ACBD6: variants seen among roughly 807,000 people sequenced by gnomAD.
The protein encoded by ACBD6 is acyl-CoA binding domain containing 6.
A neutral mutation model predicts 37.2 loss-of-function variants in ACBD6; 28 were observed. That is an observed-to-expected ratio of 0.75 (90% CI 0.56 to 1.03). ACBD6 has a LOEUF of 1.03. Among genes scored for constraint, ACBD6 ranks in the 50% least tolerant of loss-of-function variants. The probability of loss-of-function intolerance (pLI) is 0.00; values close to 1 mark genes in which losing one functional copy is unlikely to be tolerated. For synonymous variants in ACBD6, 113 were observed against 126.8 expected (o/e 0.89, Z 0.73); for missense variants, 340 against 337.4 (o/e 1.01, Z -0.06).
chr1:180,328,030 G>T (rs1651323436), intron 6 of ACBD6, among the ~76,000 whole-genome samples: 1 of 152,138 alleles, frequency 6.6e-6, no homozygotes, highest in African/African-American at 2.4e-5. Flanking sequence ...CAAATGAGGT[G>T]TTGACGAAAA....
At chr1:180,411,834 A>AT (rs1310319829) in intron 5 of ACBD6, among the ~76,000 whole-genome samples, 4 of 150,782 alleles carry the variant, frequency 2.7e-5, no homozygotes, top group Non-Finnish European at 4.4e-5. Flanking sequence ...CGCCTGGCTA[A>AT]TTTTTTTTTG....
rs2254465 is a variant in ACBD6 at position 180,288,557 on chromosome 1, A to T, written c.695-40T>A. The stretch of plus-strand genomic sequence containing the variant: ...GACAAATATGAAAACAAGTTTACCA[A>T]GAGACAGAGAAACTCCTCTACTTCA... On this transcript the variant is annotated intron_variant, in intron 7 of 7. Coordinates refer to ENST00000367595, the MANE Select transcript of ACBD6 (RefSeq NM_032360.4). 82 of 1,590,264 alleles carry T rather than the reference A, an allele frequency of 5.2e-5. No homozygotes were observed. The Admixed American group carries it at 6.0e-4, about 12-fold the overall frequency.
intron 3 of ACBD6, among the ~76,000 whole-genome samples, chr1:180,474,689 C>T (rs1423962995): frequency 2.6e-5 from 4 of 152,144 alleles, no homozygotes; most frequent in African/African-American, 9.7e-5. Context: ...TACCTAAAAA[C>T]TTTTTAGCTA....
chr1:180,350,566 T>C (rs1652370109), intron 6 of ACBD6, among the ~76,000 whole-genome samples: 1 of 152,100 alleles, frequency 6.6e-6, no homozygotes, highest in Non-Finnish European at 1.5e-5. Context: ...AAAAATTCCT[T>C]ATAGTCCTCA....
intron 6 of ACBD6, among the ~76,000 whole-genome samples, chr1:180,376,761 A>G (rs1421134125): frequency 6.6e-6 from 1 of 152,176 alleles, no homozygotes; most frequent in Non-Finnish European, 1.5e-5. Context: ...GGAACGGGGG[A>G]AAAATAACAA....
At chr1:180,369,080 G>A (rs1466940725) in intron 6 of ACBD6, among the ~76,000 whole-genome samples, 2 of 152,168 alleles carry the variant, frequency 1.3e-5, no homozygotes, top group Non-Finnish European at 2.9e-5. Flanking sequence ...ATGTTCAAAG[G>A]AAGAAAACCT....
At chr1:180,437,604 TA>T (rs983879264) in intron 3 of ACBD6, among the ~76,000 whole-genome samples, 1 of 152,028 alleles carries the variant, frequency 6.6e-6, no homozygotes, top group African/African-American at 2.4e-5. Context: ...ATTTTATATG[TA>T]AAAAAATCCT....
At chr1:180,285,380 G>A (rs1176575805), downstream of ACBD6, among the ~76,000 whole-genome samples, 1 of 152,104 alleles carries the variant, frequency 6.6e-6, no homozygotes, top group East Asian at 1.9e-4. Flanking sequence ...GTGCATCTCA[G>A]AACTGATCAA....
intron 3 of ACBD6, among the ~76,000 whole-genome samples, chr1:180,449,906 TA>T (rs113535374): frequency 0.053 from 6,846 of 129,120 alleles, 504 homozygotes; most frequent in African/African-American, 0.17. Flanking sequence ...GAACTTAAAT[TA>T]AAAAAAAAAA....
At chr1:180,480,181 T>C (rs1279992254) in intron 3 of ACBD6, among the ~76,000 whole-genome samples, 1 of 152,126 alleles carries the variant, frequency 6.6e-6, no homozygotes, top group Non-Finnish European at 1.5e-5. Flanking sequence ...GGGATAAACA[T>C]GGTCAGATAT....
chr1:180,408,741 T>A (rs1009278629), intron 5 of ACBD6, among the ~76,000 whole-genome samples: 1 of 151,610 alleles, frequency 6.6e-6, no homozygotes, highest in African/African-American at 2.4e-5. Flanking sequence ...GGAAGATGAG[T>A]AAAACAGTTA....
intron 3 of ACBD6, among the ~76,000 whole-genome samples, chr1:180,443,281 C>A (rs866248968): frequency 6.6e-6 from 1 of 152,190 alleles, no homozygotes; most frequent in Non-Finnish European, 1.5e-5. Flanking sequence ...CCACATATTA[C>A]ATTTTCATTC....
At chr1:180,361,035 T>G (rs866748379) in intron 6 of ACBD6, among the ~76,000 whole-genome samples, 1 of 152,288 alleles carries the variant, frequency 6.6e-6, no homozygotes, top group Middle Eastern at 3.4e-3. Flanking sequence ...AAGAGTGTCT[T>G]GATGGAATCA....
chr1:180,274,985 CAGAACTGAGACTCCTAAGGT>C (rs907448715), exon 10 of ACBD6: 7 of 170,542 alleles, frequency 4.1e-5, no homozygotes, highest in African/African-American at 1.4e-4. Context: ...CTGCTCTCAC[CAGAACTGAGACTCCTAAGGT>C]AGAGGCCTCA....
chr1:180,351,571 C>T (rs1652419984), intron 6 of ACBD6, among the ~76,000 whole-genome samples: 1 of 140,566 alleles, frequency 7.1e-6, no homozygotes, highest in East Asian at 2.1e-4. Context: ...CTGTGCCTGG[C>T]CCGATATTAC....
chr1:180,417,893 CTTG>C (rs1450044252), intron 4 of ACBD6, among the ~76,000 whole-genome samples: 1 of 152,086 alleles, frequency 6.6e-6, no homozygotes, highest in Non-Finnish European at 1.5e-5. Context: ...TCCTGATTTA[CTTG>C]TTGGATGTAT....
intron 3 of ACBD6, among the ~76,000 whole-genome samples, chr1:180,486,295 CAGGGACACAAAAAAATCAATGTG>C (rs1273234161): frequency 1.3e-5 from 2 of 152,180 alleles, no homozygotes; most frequent in East Asian, 1.9e-4. Flanking sequence ...CTGGTCACAG[CAGGGACACAAAAAAATCAATGTG>C]AGGGACACAA....
chr1:180,445,210 C>A (rs1011217827), intron 3 of ACBD6, among the ~76,000 whole-genome samples: 3 of 152,106 alleles, frequency 2.0e-5, no homozygotes, highest in Non-Finnish European at 2.9e-5. Flanking sequence ...CAAAACATGG[C>A]CATTTCTCCA....
chr1:180,476,323 G>A (rs532960559), intron 3 of ACBD6, among the ~76,000 whole-genome samples: 38 of 152,216 alleles, frequency 2.5e-4, no homozygotes, highest in African/African-American at 8.9e-4. Flanking sequence ...ATGACCTTGA[G>A]CAGTAGGATG....
Sources: gnomAD v4.1 joint callset for allele counts (sites outside exome capture counted in the v4.1 genomes callset) on GRCh38, gnomAD v4.1.1 for gene constraint, MANE v1.5 for transcripts, NCBI Gene and HGNC (gene_info 2026-07-23, HGNC 2026-07-21) for gene names.